Variants in PTPRA observed in about 807,000 individuals in gnomAD.
PTPRA encodes receptor-type tyrosine-protein phosphatase alpha.
PTPRA carries 25 observed loss-of-function variants against 104.8 expected under a neutral mutation model. The ratio of observed to expected loss-of-function variants is 0.24; its 90% CI spans 0.17 to 0.33. The LOEUF (loss-of-function observed/expected upper bound fraction) is 0.33. Among genes scored for constraint, PTPRA ranks in the 10% least tolerant of loss-of-function variants. PTPRA has a pLI of 1.00. For synonymous variants in PTPRA, 323 were observed against 368.9 expected, an observed-to-expected ratio of 0.88 and a Z score of 1.43; for missense variants, 765 against 1,015.3, an observed-to-expected ratio of 0.75 and a Z score of 3.35.
Position 2,964,299 on chromosome 20 carries a change from G to GTTT in PTPRA, c.24_25insTTT (p.Val8_Leu9insPhe), listed in dbSNP as rs765073846. The GTTT allele has an allele frequency of 1.2e-6, 2 of 1,610,840 alleles. No homozygotes were observed. Among genetic ancestry groups the GTTT allele is most frequent in the Admixed American group, 1.7e-5 (1 of 59,184 alleles). On this transcript the variant is annotated inframe_insertion, in exon 4 of 24. Transcript: ENST00000399903. ...AAGCATGGATTCCTGGTTCATTCTT[G>GTTT]TTCTGCTCGGCAGTGGTCTGATATG...
chr20:2,985,915 GTTT>G (rs1225320179), intron 6 of PTPRA, among the ~76,000 whole-genome samples: 33 of 151,340 alleles, frequency 2.2e-4, no homozygotes, highest in Non-Finnish European at 3.8e-4. Context: ...TTGTTTGTTT[GTTT>G]GTTTGTTTTG....
intron 6 of PTPRA, among the ~76,000 whole-genome samples, chr20:2,983,160 A>G (rs1201980741): frequency 1.3e-5 from 2 of 152,162 alleles, no homozygotes; most frequent in Non-Finnish European, 2.9e-5. Flanking sequence ...CTGTGTGGGA[A>G]AAGTGACACA....
intron 3 of PTPRA, among the ~76,000 whole-genome samples, chr20:2,959,203 T>G (rs1600174255): frequency 6.6e-6 from 1 of 152,186 alleles, no homozygotes; most frequent in Non-Finnish European, 1.5e-5. Context: ...CGCATACCAA[T>G]TCTCTCCACA....
chr20:2,896,517 G>C (rs903358730), intron 1 of PTPRA, among the ~76,000 whole-genome samples: 1 of 152,196 alleles, frequency 6.6e-6, no homozygotes, highest in African/African-American at 2.4e-5. Context: ...TGTTAATGTT[G>C]TACAATTGCG....
chr20:2,956,470 T>G (rs2061540239), intron 3 of PTPRA, among the ~76,000 whole-genome samples: 2 of 150,722 alleles, frequency 1.3e-5, no homozygotes, highest in African/African-American at 4.9e-5. Context: ...TGAAGCCCCC[T>G]GTGATGTCCT....
intron 11 of PTPRA, 80 bp from the exon 12 acceptor site, chr20:3,015,769 G>C: frequency 8.2e-7 from 1 of 1,224,336 alleles, no homozygotes; most frequent in Non-Finnish European, 1.2e-6. Context: ...TTTGTTAACT[G>C]GTTGGAGTCA....
intron 5 of PTPRA, among the ~76,000 whole-genome samples, chr20:2,971,084 G>C (rs2062165946): frequency 6.6e-6 from 1 of 151,992 alleles, no homozygotes; most frequent in African/African-American, 2.4e-5. Flanking sequence ...CTCAATAATT[G>C]TAACTTTGTA....
At chr20:2,943,728 A>C (rs2061016474) in intron 2 of PTPRA, among the ~76,000 whole-genome samples, 1 of 152,156 alleles carries the variant, frequency 6.6e-6, no homozygotes, top group South Asian at 2.1e-4. Flanking sequence ...GCATGAAAGA[A>C]CTATCTTGCA....
chr20:3,012,262 A>G (rs529505991), intron 11 of PTPRA, among the ~76,000 whole-genome samples: 1 of 152,368 alleles, frequency 6.6e-6, no homozygotes, highest in East Asian at 1.9e-4. Flanking sequence ...GCTATCATGT[A>G]CAACATGGAT....
chr20:2,883,265 AAT>A (rs1359944422), intron 1 of PTPRA, among the ~76,000 whole-genome samples: 1 of 152,184 alleles, frequency 6.6e-6, no homozygotes, highest in Non-Finnish European at 1.5e-5. Context: ...GAACCTAGCA[AAT>A]ATCATTTGAA....
At chr20:2,919,350 A>G (rs567441478) in intron 1 of PTPRA, among the ~76,000 whole-genome samples, 96 of 152,324 alleles carry the variant, frequency 6.3e-4, no homozygotes, top group African/African-American at 2.2e-3. Flanking sequence ...TAATAAGTTA[A>G]ACTAAAAAGA....
chr20:3,015,928 C>G (rs377715655), intron 12 of PTPRA, 43 bp downstream of exon 12: 1 of 1,524,246 alleles, frequency 6.6e-7, no homozygotes, highest in African/African-American at 1.4e-5. Context: ...TAACCATGAT[C>G]ACATAATGGG....
intron 3 of PTPRA, among the ~76,000 whole-genome samples, chr20:2,958,844 CAAAAAAAAAA>C (rs528139524): frequency 4.3e-5 from 2 of 46,884 alleles, no homozygotes; most frequent in South Asian, 6.8e-4. Context: ...GAGACTGTAT[CAAAAAAAAAA>C]AAAAAAAAAA....
At chr20:2,942,948 C>T (rs1316660422) in intron 2 of PTPRA, among the ~76,000 whole-genome samples, 4 of 151,838 alleles carry the variant, frequency 2.6e-5, no homozygotes, top group Non-Finnish European at 4.4e-5. Flanking sequence ...AAAAAATTAA[C>T]AATAACTAAT....
intron 3 of PTPRA, among the ~76,000 whole-genome samples, chr20:2,953,488 T>C (rs1032729431): frequency 2.0e-5 from 3 of 151,874 alleles, no homozygotes; most frequent in Admixed American, 1.3e-4. Flanking sequence ...CTCCGGACCT[T>C]GTGATTCACC....
intron 9 of PTPRA, among the ~76,000 whole-genome samples, chr20:2,990,658 G>A (rs763853556): frequency 3.3e-5 from 5 of 152,160 alleles, no homozygotes; most frequent in South Asian, 2.1e-4. Flanking sequence ...TTGAGCCTGC[G>A]GGGTGGAGGT....
At chr20:2,880,841 A>G (rs2090001773) in intron 1 of PTPRA, among the ~76,000 whole-genome samples, 1 of 152,050 alleles carries the variant, frequency 6.6e-6, no homozygotes, top group African/African-American at 2.4e-5. Flanking sequence ...GCGAGACCCC[A>G]TCTCTACCAA....
intron 5 of PTPRA, among the ~76,000 whole-genome samples, chr20:2,972,620 C>G (rs1012475355): frequency 1.3e-5 from 2 of 151,962 alleles, no homozygotes; most frequent in Non-Finnish European, 2.9e-5. Flanking sequence ...TGAGATTGAT[C>G]TATGTTTTTC....
At chr20:2,915,706 G>C (rs894434301) in intron 1 of PTPRA, among the ~76,000 whole-genome samples, 8 of 152,110 alleles carry the variant, frequency 5.3e-5, no homozygotes, top group African/African-American at 1.9e-4. Context: ...TATAGTTTTA[G>C]ACCAAGCGCG....
Sources: allele counts gnomAD v4.1 joint callset (sites outside exome capture counted in the v4.1 genomes callset), GRCh38; gene constraint gnomAD v4.1.1; transcripts MANE v1.5; gene names NCBI Gene and HGNC (gene_info 2026-07-23, HGNC 2026-07-21).